CRACD: variants seen among roughly 807,000 people sequenced by gnomAD.
CRACD encodes the protein capping protein inhibiting regulator of actin dynamics, also known as capping protein-inhibiting regulator of actin dynamics.
In CRACD, 56 loss-of-function variants were observed where a neutral mutation model predicts 106.8. That is an observed-to-expected ratio of 0.52 (90% confidence interval 0.42 to 0.66). CRACD has a LOEUF of 0.66. Among genes scored for constraint, CRACD ranks in the 30% least tolerant of loss-of-function variants. CRACD has a pLI of 0.00. For missense variants in CRACD, 1,730 were observed against 1,623.2 expected (o/e 1.07, Z -1.13); for synonymous variants, 754 against 670.8 (o/e 1.12, Z -1.92).
At chr4:56,140,684 G>A (rs1022935734) in intron 1 of CRACD, among the ~76,000 whole-genome samples, 2 of 152,162 alleles carry the variant, frequency 1.3e-5, no homozygotes, top group African/African-American at 2.4e-5. Context: ...CCTGAACAGC[G>A]TTGTCAGCAT....
chr4:56,307,428 G>C (rs1374071820), intron 4 of CRACD, 107 bp from the exon 5 acceptor site: 1 of 1,008,598 alleles, frequency 9.9e-7, no homozygotes, highest in Non-Finnish European at 1.5e-6. Context: ...GAAATCAGTT[G>C]TGCACAAGGT....
chr4:56,100,315 A>G (rs1733739657), intron 1 of CRACD, among the ~76,000 whole-genome samples: 1 of 152,234 alleles, frequency 6.6e-6, no homozygotes, highest in Non-Finnish European at 1.5e-5. Context: ...TCTCGCTTGA[A>G]TAGCATACAT....
intron 1 of CRACD, among the ~76,000 whole-genome samples, chr4:56,054,490 T>A (rs1449439229): frequency 2.6e-5 from 4 of 152,336 alleles, no homozygotes; most frequent in Non-Finnish European, 4.4e-5. Context: ...CTCCTTTTTA[T>A]CCTGATGTGA....
At chr4:56,082,996 A>G (rs1037357510) in intron 1 of CRACD, among the ~76,000 whole-genome samples, 1 of 152,220 alleles carries the variant, frequency 6.6e-6, no homozygotes, top group African/African-American at 2.4e-5. Context: ...GAGGAAATGC[A>G]GACAAAAGAG....
intron 1 of CRACD, among the ~76,000 whole-genome samples, chr4:56,111,956 AC>A (rs1734137508): frequency 6.6e-6 from 1 of 152,258 alleles, no homozygotes; most frequent in Non-Finnish European, 1.5e-5. Flanking sequence ...TGCATACATT[AC>A]AGTTTGCCAG....
chr4:56,177,594 A>G lies in CRACD; in HGVS notation c.-335-1690A>G, dbSNP rs77043061. ...TTGCAACAGTTTGAGTAGAATTGGT[A>G]TTAGTTTTTCTTTAAATGCTTGGTA... On this transcript the variant is annotated intron_variant, in intron 1 of 10. Coordinates refer to ENST00000682029, the MANE Select transcript of CRACD (RefSeq NM_001393381.1). Among the ~76,000 whole-genome samples, 11 of 152,280 alleles carry G rather than the reference A, an allele frequency of 7.2e-5. No homozygotes were observed. In the East Asian group the frequency reaches 1.9e-3, roughly 27 times the overall value.
At chr4:56,135,888 C>T (rs946602926) in intron 1 of CRACD, among the ~76,000 whole-genome samples, 13 of 152,200 alleles carry the variant, frequency 8.5e-5, no homozygotes, top group Non-Finnish European at 1.6e-4. Flanking sequence ...ATTTCACTCT[C>T]CAAAGTGTGT....
chr4:56,099,015 T>C, intron 1 of CRACD, among the ~76,000 whole-genome samples: 1 of 152,220 alleles, frequency 6.6e-6, no homozygotes, highest in East Asian at 1.9e-4. Flanking sequence ...CAGCATGAAC[T>C]CTCTGCTGAA....
chr4:56,240,055 G>A (rs1243143748), intron 2 of CRACD, among the ~76,000 whole-genome samples: 9 of 150,728 alleles, frequency 6.0e-5, no homozygotes, highest in South Asian at 4.2e-4. Context: ...TTTTTTATTC[G>A]TCCATCTCAT....
chr4:56,197,713 C>G (rs554873604), intron 2 of CRACD, among the ~76,000 whole-genome samples: 1 of 151,798 alleles, frequency 6.6e-6, no homozygotes, highest in African/African-American at 2.4e-5. Flanking sequence ...GAGTCTCACT[C>G]TGTTGCCCCG....
intron 2 of CRACD, among the ~76,000 whole-genome samples, chr4:56,189,898 C>G (rs1737287523): frequency 6.7e-6 from 1 of 149,504 alleles, no homozygotes; most frequent in South Asian, 2.1e-4. Context: ...ATACATGTGC[C>G]ATGCTGGTGC....
In CRACD at chr4:56,212,457, A is replaced by G. The variant is rs1007982252; in HGVS notation, c.-189+33027A>G. ...ATTTACTCCTTTACTTTCTTAATAA[A>G]CTTACTTTCACTTTACTCTGTGGAC... On this transcript the variant is annotated intron_variant, in intron 2 of 10. Transcript: ENST00000682029. Among the ~76,000 whole-genome samples, 6 of 152,272 alleles carry G rather than the reference A, an allele frequency of 3.9e-5. No homozygotes were observed. The South Asian group carries it at 1.0e-3, about 26-fold the overall frequency.
intron 1 of CRACD, among the ~76,000 whole-genome samples, chr4:56,156,950 A>G (rs1198348814): frequency 6.6e-6 from 1 of 152,228 alleles, no homozygotes; most frequent in East Asian, 1.9e-4. Flanking sequence ...GCTGTTTTTC[A>G]TGACTGTAAC....
At chr4:56,177,130 T>C (rs1736617638) in intron 1 of CRACD, among the ~76,000 whole-genome samples, 1 of 152,230 alleles carries the variant, frequency 6.6e-6, no homozygotes. Context: ...CATCCCTGTC[T>C]TGTTCTAGAG....
At chr4:56,200,641 T>A (rs1577734070) in intron 2 of CRACD, among the ~76,000 whole-genome samples, 1 of 152,356 alleles carries the variant, frequency 6.6e-6, no homozygotes, top group Middle Eastern at 3.4e-3. Flanking sequence ...CCAGAATTTT[T>A]AATATAAAAT....
intron 1 of CRACD, among the ~76,000 whole-genome samples, chr4:56,123,855 ATT>A (rs1734571135): frequency 6.6e-6 from 1 of 152,192 alleles, no homozygotes; most frequent in African/African-American, 2.4e-5. Flanking sequence ...TAAAACACTT[ATT>A]TATAAGTCCA....
intron 1 of CRACD, among the ~76,000 whole-genome samples, chr4:56,075,391 C>T (rs188216268): frequency 5.3e-5 from 8 of 152,192 alleles, no homozygotes; most frequent in East Asian, 3.9e-4. Context: ...TTTAGGGATT[C>T]GACTTCTTCC....
intron 2 of CRACD, among the ~76,000 whole-genome samples, chr4:56,236,191 A>T (rs1200523851): frequency 2.0e-5 from 3 of 152,070 alleles, no homozygotes; most frequent in Non-Finnish European, 4.4e-5. Context: ...TGGAGAGAAA[A>T]ACATGCTCAA....
At chr4:56,251,549 C>G (rs1331697457) in intron 2 of CRACD, among the ~76,000 whole-genome samples, 1 of 152,160 alleles carries the variant, frequency 6.6e-6, no homozygotes, top group Non-Finnish European at 1.5e-5. Flanking sequence ...TTAGGTTATA[C>G]TCAAAACCAA....
Sources: allele counts gnomAD v4.1 joint callset (sites outside exome capture counted in the v4.1 genomes callset), GRCh38; gene constraint gnomAD v4.1.1; transcripts MANE v1.5; gene names NCBI Gene and HGNC (gene_info 2026-07-23, HGNC 2026-07-21).